Variants in GRHL1 observed in about 807,000 individuals in gnomAD.
GRHL1 encodes the protein grainyhead-like protein 1 homolog.
In GRHL1, 38 loss-of-function variants were observed where a neutral mutation model predicts 75.7. That is an observed-to-expected ratio of 0.50 (90% CI 0.39 to 0.66). The LOEUF is 0.66. Ranked by LOEUF, GRHL1 falls within the 30% of genes least tolerant of loss-of-function variation. The pLI, the probability that GRHL1 is intolerant of heterozygous loss-of-function variation, is 0.00. For synonymous variants in GRHL1, 266 were observed against 279.4 expected (o/e 0.95, Z 0.48); for missense variants, 589 against 767.5 (o/e 0.77, Z 2.75).
Position 9,996,356 on chromosome 2 carries a change from T to C in GRHL1, c.1632T>C (p.Asp544=), listed in dbSNP as rs1668861984. 2 of 1,613,220 alleles carry C rather than the reference T, an allele frequency of 1.2e-6. No individual in the cohort carries two copies. Among genetic ancestry groups the C allele is most frequent in the African/African-American group, 2.7e-5 (2 of 74,910 alleles). The change falls in exon 14 of 16, where the codon GAT becomes GAC. Residue 544 remains aspartate, a synonymous_variant. Transcript: ENST00000324907. Reference sequence around the variant, plus strand: ...GAAAGGAGTCAGAAGAAGTCTTTGATGCCCTGATGCTCAAAACCCCATCTT... The same window carrying C: ...GAAAGGAGTCAGAAGAAGTCTTTGACGCCCTGATGCTCAAAACCCCATCTT... ...YVRKESEEVF[D]ALMLKTPSLK...
At position 9,998,643 on chromosome 2, in the gene GRHL1, CACATAT is replaced by C. The variant is rs1262941933; in HGVS notation, c.1678-308_1678-303del. ...ATGTACACATATACATATATATGTA[CACATAT>C]ACATATACATATATATGTACACATA... On this transcript the variant is annotated intron_variant, in intron 14 of 15. Coordinates refer to ENST00000324907, the MANE Select transcript of GRHL1 (RefSeq NM_198182.3). Among the ~76,000 whole-genome samples, 80 of 44,898 alleles carry C rather than the reference CACATAT, an allele frequency of 1.8e-3. 21 individuals carry two copies. Among genetic ancestry groups the C allele is most frequent in the Non-Finnish European group, 2.2e-3 (60 of 27,384 alleles). The allele number at this position is 44,898 out of a possible 152,430, so 29.5% of individuals were successfully genotyped here. A position where few individuals can be genotyped will look rare whatever the true frequency, so the allele number is the denominator to read the frequency against.
Position 9,998,758 on chromosome 2 carries a change from A to ACG in GRHL1, c.1678-207_1678-206insCG, listed in dbSNP as rs1221305071. Among the ~76,000 whole-genome samples the ACG allele has an allele frequency of 4.0e-3, 51 of 12,802 alleles. 1 individual carries two copies. The highest frequency in any genetic ancestry group is 4.5e-3 in the Non-Finnish European group (35 of 7,826). 8.4% of individuals were successfully genotyped at this position (12,802 alleles called of 152,430 possible). A position where few individuals can be genotyped will look rare whatever the true frequency, so the allele number is the denominator to read the frequency against. ...TATATATGTACACACATATATACGT[A>ACG]TATATATGTACACACATATATACGT... On this transcript the variant is annotated intron_variant, in intron 14 of 15. Coordinates refer to ENST00000324907, the MANE Select transcript of GRHL1 (RefSeq NM_198182.3).
At chr2:9,977,583 A>G (rs946328666) in intron 8 of GRHL1, among the ~76,000 whole-genome samples, 2 of 152,244 alleles carry the variant, frequency 1.3e-5, no homozygotes, top group Non-Finnish European at 2.9e-5. Flanking sequence ...CGGCCTCCCA[A>G]AGTGCTGGGA....
At chr2:9,995,112 T>G (rs1388011762) in intron 12 of GRHL1, among the ~76,000 whole-genome samples, 2 of 152,328 alleles carry the variant, frequency 1.3e-5, no homozygotes, top group East Asian at 1.9e-4. Context: ...GATCAGGACA[T>G]TCACGGTAGA....
chr2:9,998,470 G>GTA (rs1214607175), intron 14 of GRHL1, among the ~76,000 whole-genome samples: 9 of 32,296 alleles, frequency 2.8e-4, no homozygotes, highest in South Asian at 1.2e-3. Flanking sequence ...ATATATATAC[G>GTA]TATATATATA....
At chr2:9,978,588 G>A (rs748780452) in intron 8 of GRHL1, among the ~76,000 whole-genome samples, 53 of 152,172 alleles carry the variant, frequency 3.5e-4, no homozygotes, top group Non-Finnish European at 3.1e-4. Flanking sequence ...TTCCTAGCTA[G>A]GCTCTTTCAT....
chr2:9,962,824 A>G (rs1296116151), intron 5 of GRHL1, among the ~76,000 whole-genome samples: 1 of 152,072 alleles, frequency 6.6e-6, no homozygotes, highest in African/African-American at 2.4e-5. Context: ...GGATTAAATT[A>G]GGTCTCTGAG....
In GRHL1 at chr2:9,996,318, C is replaced by T; in HGVS notation, c.1594C>T (p.Leu532=). 1 of 1,606,290 alleles carries T rather than the reference C, an allele frequency of 6.2e-7. No individual in the cohort carries two copies. Among genetic ancestry groups the T allele is most frequent in the Non-Finnish European group, 8.5e-7 (1 of 1,172,946 alleles). Residue 532 remains leucine (L), a splice_region_variant and synonymous_variant, in exon 14 of 16, where the codon CTG becomes TTG. Transcript: ENST00000324907. ...LARIEEPKRV[L]LYVRKESEEV... Reference sequence around the variant, plus strand: ...ATTCCTGGTTGGGGATTGATTAGTGCTGCTCTACGTTCGAAAGGAGTCAGA... The same window carrying T: ...ATTCCTGGTTGGGGATTGATTAGTGTTGCTCTACGTTCGAAAGGAGTCAGA...
chr2:9,988,247 T>C (rs143680719), intron 9 of GRHL1, among the ~76,000 whole-genome samples: 5 of 152,348 alleles, frequency 3.3e-5, no homozygotes, highest in Non-Finnish European at 7.3e-5. Flanking sequence ...TCTGGAGCTG[T>C]GCTCAGTGTA....
chr2:9,974,383 A>G (rs983802184), intron 8 of GRHL1, among the ~76,000 whole-genome samples: 2 of 152,218 alleles, frequency 1.3e-5, no homozygotes, highest in African/African-American at 4.8e-5. Flanking sequence ...AACTTTCTGA[A>G]GCATCTTCCA....
intron 8 of GRHL1, among the ~76,000 whole-genome samples, chr2:9,966,986 A>G (rs1339675769): frequency 1.3e-5 from 2 of 152,210 alleles, no homozygotes; most frequent in Non-Finnish European, 2.9e-5. Flanking sequence ...TTGAAATTAA[A>G]TATCATAATA....
rs1050361466 is a variant in GRHL1, at chr2:9,956,091, A to G, written c.207+990A>G. Among the ~76,000 whole-genome samples the G allele has an allele frequency of 2.0e-5, 3 of 152,246 alleles. No individual in the cohort carries two copies. In the East Asian group the frequency reaches 5.8e-4, roughly 29 times the overall value. On this transcript the variant is annotated intron_variant, in intron 2 of 15. Coordinates refer to ENST00000324907, the MANE Select transcript of GRHL1 (RefSeq NM_198182.3). ...CAGTGTCTTCTCATGAATGTAGTGTATATTTTTTACAGTTTATTTTTGCTA... is the reference window on the plus strand; with the variant it reads ...CAGTGTCTTCTCATGAATGTAGTGTGTATTTTTTACAGTTTATTTTTGCTA...
Position 10,001,218 on chromosome 2 carries a change from C to G in GRHL1, c.*511C>G, listed in dbSNP as rs1023236315. ...GGGGGAGCCCTCTCTCCCTTACCCT[C>G]TCACTCTCCACCAGATGTTTACTAA... is the stretch of plus-strand genomic sequence containing the variant. On this transcript the variant is annotated 3_prime_UTR_variant, in exon 16 of 16. Transcript: ENST00000324907. 2.6e-5 allele frequency: 4 copies of G among 152,680 alleles called. No individual in the cohort carries two copies. The highest frequency in any genetic ancestry group is 9.6e-5 in the African/African-American group (4 of 41,452). 9.5% of individuals were successfully genotyped at this position (152,680 alleles called of 1,614,324 possible).
chr2:9,971,668 A>G (rs1403402277), intron 8 of GRHL1, among the ~76,000 whole-genome samples: 1 of 152,212 alleles, frequency 6.6e-6, no homozygotes, highest in East Asian at 1.9e-4. Flanking sequence ...ATGTTTTTGT[A>G]CCAGAATCGA....
chr2:9,981,631 T>C (rs558243987), intron 8 of GRHL1, among the ~76,000 whole-genome samples: 3 of 152,356 alleles, frequency 2.0e-5, no homozygotes, highest in East Asian at 3.9e-4. Context: ...GTGAAAATAA[T>C]GTCGGGCCCT....
At chr2:9,954,257 A>G (rs1558286934) in intron 1 of GRHL1, among the ~76,000 whole-genome samples, 2 of 152,144 alleles carry the variant, frequency 1.3e-5, no homozygotes, top group East Asian at 3.8e-4. Flanking sequence ...GTTTATCTCT[A>G]AGATAAACAG....
At chr2:9,993,323 C>A in intron 12 of GRHL1, 79 bp downstream of exon 12, 2 of 1,154,536 alleles carry the variant, frequency 1.7e-6, no homozygotes, top group Non-Finnish European at 2.6e-6. Context: ...AAGTACAGTA[C>A]AAAGAACTCA....
intron 15 of GRHL1, among the ~76,000 whole-genome samples, chr2:9,999,629 C>T (rs564958312): frequency 2.0e-5 from 3 of 152,240 alleles, no homozygotes; most frequent in African/African-American, 7.2e-5. Flanking sequence ...CTGCTCTACC[C>T]TCCTGCTCAG....
intron 8 of GRHL1, among the ~76,000 whole-genome samples, chr2:9,984,432 G>A (rs1480811024): frequency 6.6e-6 from 1 of 152,188 alleles, no homozygotes; most frequent in African/African-American, 2.4e-5. Context: ...CTAGTTGAAA[G>A]GGAGCTCAAA....
Sources: gnomAD v4.1 joint callset for allele counts (sites outside exome capture counted in the v4.1 genomes callset) on GRCh38, gnomAD v4.1.1 for gene constraint, MANE v1.5 for transcripts, NCBI Gene and HGNC (gene_info 2026-07-23, HGNC 2026-07-21) for gene names.